The following ERN2 variants were observed in gnomAD, a reference collection of about 807,000 sequenced individuals.
ERN2 encodes serine/threonine-protein kinase/endoribonuclease IRE2.
Under a neutral mutation model 107.9 loss-of-function variants are expected in ERN2, and 111 were observed. That is an observed-to-expected ratio of 1.03 (90% CI 0.88 to 1.20). ERN2 has a LOEUF of 1.20. Among genes scored for constraint, ERN2 ranks in the 50% most tolerant of loss-of-function variants. The pLI, the probability that ERN2 is intolerant of heterozygous loss-of-function variation, is 0.00. For synonymous variants in ERN2, 524 were observed against 501.7 expected, an observed-to-expected ratio of 1.04 and a Z score of -0.59; for missense variants, 1,225 against 1,197.9, an observed-to-expected ratio of 1.02 and a Z score of -0.33.
chr16:23,691,347 C>A lies in ERN2; in HGVS notation c.2455G>T (p.Val819Phe), dbSNP rs1306163734. Reference protein sequence around the residue: ...RALEAGGCAVVRDNWHEHISM... With the variant: ...RALEAGGCAVFRDNWHEHISM... Reference sequence around the variant, plus strand: ...ATGTGCTCGTGCCAGTTGTCCCGGACCACTGCGCAGCCTCCCGCCTCCAGT... The same window carrying A: ...ATGTGCTCGTGCCAGTTGTCCCGGAACACTGCGCAGCCTCCCGCCTCCAGT... The change falls in exon 20 of 22, where the codon GTC becomes TTC. Residue 819 changes from valine (V) to phenylalanine (F), a missense_variant. Val to Phe is a conservative substitution (Grantham distance 50). Coordinates refer to ENST00000256797, the MANE Select transcript of ERN2 (RefSeq NM_033266.4). 1 of 1,606,212 alleles carries A rather than the reference C, an allele frequency of 6.2e-7. No individual in the cohort carries two copies. Among genetic ancestry groups the A allele is most frequent in the Non-Finnish European group, 8.5e-7 (1 of 1,179,964 alleles).
At chr16:23,691,248 C>T (rs369997622) in intron 20 of ERN2, 52 bp from the exon 21 acceptor site, 4 of 1,612,278 alleles carry the variant, frequency 2.5e-6, no homozygotes, top group Non-Finnish European at 3.4e-6. Context: ...CTCCCCTCCA[C>T]CGCCCAGGCC....
chr16:23,698,172 A>G (rs762260690), intron 13 of ERN2, among the ~76,000 whole-genome samples: 11 of 152,196 alleles, frequency 7.2e-5, no homozygotes, highest in Non-Finnish European at 4.4e-5. Context: ...GGTATTTGCC[A>G]GGTATTGTTC....
intron 1 of ERN2, chr16:23,712,589 C>G (rs1393336905): frequency 6.5e-6 from 1 of 154,570 alleles, no homozygotes; most frequent in Non-Finnish European, 1.4e-5. Context: ...ATTCCTGGCA[C>G]CGTGGGAGCA....
intron 13 of ERN2, 142 bp downstream of exon 13, chr16:23,700,397 G>T: frequency 2.6e-6 from 2 of 766,790 alleles, no homozygotes; most frequent in East Asian, 2.5e-5. Flanking sequence ...TTACGTAGCA[G>T]GCTCTACTCA....
chr16:23,710,070 G>T (rs980551706), intron 4 of ERN2, 102 bp downstream of exon 4: 2 of 793,230 alleles, frequency 2.5e-6, no homozygotes, highest in South Asian at 1.5e-5. Context: ...TATATCCTCT[G>T]CAGAACAGGA....
intron 17 of ERN2, among the ~76,000 whole-genome samples, 169 bp from the exon 18 acceptor site, chr16:23,692,500 C>G (rs1597140704): frequency 6.6e-6 from 1 of 152,186 alleles, no homozygotes; most frequent in East Asian, 1.9e-4. Flanking sequence ...CTCTACACTA[C>G]TATAGGGGGC....
chr16:23,692,308 A>G lies in ERN2; in HGVS notation c.2124T>C (p.Ser708=). 4.3e-6 allele frequency: 7 copies of G among 1,613,764 alleles called. No homozygotes were observed. The highest frequency in any genetic ancestry group is 5.9e-6 in the Non-Finnish European group (7 of 1,180,034). ...DSPTSAVDIF[S]AGCVFYYVLS... is the part of the protein sequence containing the mutation. ...GCACGTAGTAGAACACGCAGCCTGC[A>G]GAGAAGATGTCCACAGCGCTGGTCT... Residue 708 remains serine (S), a synonymous_variant, in exon 18 of 22, where the codon TCT becomes TCC. Coordinates refer to ENST00000256797, the MANE Select transcript of ERN2 (RefSeq NM_033266.4).
intron 12 of ERN2, 70 bp from the exon 13 acceptor site, chr16:23,700,774 G>T: frequency 2.0e-6 from 3 of 1,531,336 alleles, no homozygotes; most frequent in South Asian, 2.5e-5. Flanking sequence ...CAGTATCTGT[G>T]ACTGAGATGG....
intron 12 of ERN2, 22 bp downstream of exon 12, chr16:23,700,937 G>A: frequency 6.2e-7 from 1 of 1,609,678 alleles, no homozygotes; most frequent in Middle Eastern, 1.7e-4. Context: ...AGATAGACCT[G>A]AGGTCAGGGC....
At chr16:23,711,990 A>T (rs1567256706) in intron 1 of ERN2, 1 of 435,986 alleles carries the variant, frequency 2.3e-6, no homozygotes, top group Middle Eastern at 3.3e-4. Context: ...TCCTGGGCTC[A>T]CTCACCTGCT....
At chr16:23,704,746 G>C in intron 8 of ERN2, 137 bp downstream of exon 8, 1 of 1,010,426 alleles carries the variant, frequency 9.9e-7, no homozygotes, top group Non-Finnish European at 1.5e-6. Flanking sequence ...AGTTGGGTAA[G>C]TAACCAATTT....
At chr16:23,712,220 A>T in intron 1 of ERN2, 3 of 203,354 alleles carry the variant, frequency 1.5e-5, no homozygotes, top group South Asian at 1.4e-4. Context: ...CAGGAGGGAG[A>T]ACGGTTTGGA....
intron 17 of ERN2, 106 bp downstream of exon 17, chr16:23,694,620 TCA>T: frequency 2.2e-6 from 2 of 920,952 alleles, no homozygotes; most frequent in East Asian, 2.7e-5. Flanking sequence ...CAGCTCAAAG[TCA>T]CACAGCAAGT....
chr16:23,706,083 G>C (rs1202536729), intron 7 of ERN2: 1 of 426,506 alleles, frequency 2.3e-6, no homozygotes, highest in East Asian at 4.1e-5. Flanking sequence ...AGGGTTACCC[G>C]GTTGGGGCCA....
chr16:23,713,045 G>T, intron 1 of ERN2, 50 bp downstream of exon 1: 1 of 1,388,138 alleles, frequency 7.2e-7, no homozygotes, highest in Non-Finnish European at 9.5e-7. Flanking sequence ...GCCGCCCCCT[G>T]CGCCCCGCGA....
chr16:23,708,547 G>A (rs544495541), intron 4 of ERN2, among the ~76,000 whole-genome samples: 68 of 151,812 alleles, frequency 4.5e-4, no homozygotes, highest in Non-Finnish European at 5.4e-4. Context: ...TGGTAGAGAC[G>A]GGGTTTCACC....
In ERN2 at chr16:23,692,263, G is replaced by A. The variant is rs1959629335; in HGVS notation, c.2169C>T (p.Pro723=). 1 of 1,614,170 alleles carries A rather than the reference G, an allele frequency of 6.2e-7. No individual in the cohort carries two copies. Among genetic ancestry groups the A allele is most frequent in the African/African-American group, 1.3e-5 (1 of 75,058 alleles). ...CCTGGCGATAAAGACTGTCTCCAAAGGGGTGGCTGCCACCAGAAAGCACGT... is the reference window on the plus strand; with the variant it reads ...CCTGGCGATAAAGACTGTCTCCAAAAGGGTGGCTGCCACCAGAAAGCACGT... The part of the protein sequence containing the change: ...FYYVLSGGSH[P]FGDSLYRQAN... The change falls in exon 18 of 22, where the codon CCC becomes CCT. Residue 723 remains proline (P), a synonymous_variant. Coordinates refer to ENST00000256797, the MANE Select transcript of ERN2 (RefSeq NM_033266.4).
At position 23,691,009 on chromosome 16, in the gene ERN2, C is replaced by T. The variant is rs750229032; in HGVS notation, c.2603G>A (p.Arg868Gln). 3.7e-6 allele frequency: 6 copies of T among 1,614,026 alleles called. No individual in the cohort carries two copies. The African/African-American group carries it at 8.0e-5, about 22-fold the overall frequency. ...HHYRELPVEV[R>Q]QALGQVPDGF... ...ATCAGGGACTTGGCCGAGTGCCTGTCGCACCTCAACTGGGAGCTCCCTGTA... is the reference window on the plus strand; with the variant it reads ...ATCAGGGACTTGGCCGAGTGCCTGTTGCACCTCAACTGGGAGCTCCCTGTA... Residue 868 changes from arginine to glutamine, a missense_variant, in exon 22 of 22, where the codon CGA (arginine) becomes CAA (glutamine). Transcript: ENST00000256797.
chr16:23,696,858 G>A (rs1368023458), intron 13 of ERN2: 3 of 152,122 alleles, frequency 2.0e-5, no homozygotes, highest in Non-Finnish European at 4.4e-5. Context: ...TTTAGCTTCA[G>A]TTTTTACAAT....
Sources: allele counts gnomAD v4.1 joint callset (sites outside exome capture counted in the v4.1 genomes callset), GRCh38; gene constraint gnomAD v4.1.1; transcripts MANE v1.5; gene names NCBI Gene and HGNC (gene_info 2026-07-23, HGNC 2026-07-21).